Variants in PDHX observed in about 807,000 individuals in gnomAD.
PDHX encodes pyruvate dehydrogenase protein X component, mitochondrial.
PDHX carries 33 observed loss-of-function variants against 55.3 expected under a neutral mutation model. That is an observed-to-expected ratio of 0.60 (90% CI 0.45 to 0.80). The LOEUF is 0.80. Ranked by LOEUF, PDHX falls within the 30% of genes least tolerant of loss-of-function variation. The pLI, the probability that PDHX is intolerant of heterozygous loss-of-function variation, is 0.00. For missense variants in PDHX, 622 were observed against 619.9 expected (o/e 1.00, Z -0.04); for synonymous variants, 226 against 219.4 (o/e 1.03, Z -0.27).
intron 1 of PDHX, among the ~76,000 whole-genome samples, chr11:34,917,790 A>G (rs1012745501): frequency 6.6e-6 from 1 of 152,324 alleles, no homozygotes; most frequent in Admixed American, 6.5e-5. Flanking sequence ...GTAATGTTTC[A>G]TAACATATTC....
chr11:34,931,988 C>G (rs1037652989), intron 2 of PDHX, among the ~76,000 whole-genome samples: 34 of 151,994 alleles, frequency 2.2e-4, no homozygotes, highest in African/African-American at 7.7e-4. Context: ...TTAAGCATTT[C>G]TAATTAAAAC....
At chr11:34,967,913 T>G (rs1855170308) in intron 6 of PDHX, among the ~76,000 whole-genome samples, 1 of 152,210 alleles carries the variant, frequency 6.6e-6, no homozygotes, top group Non-Finnish European at 1.5e-5. Flanking sequence ...TAGTCCACTC[T>G]TTGACTATAT....
At chr11:34,979,425 C>T (rs114667995) in intron 8 of PDHX, among the ~76,000 whole-genome samples, 79 of 152,174 alleles carry the variant, frequency 5.2e-4, no homozygotes, top group African/African-American at 1.9e-3. Flanking sequence ...CATCATGCCT[C>T]CTTTCTGTAA....
At chr11:34,988,885 G>A (rs1313028194) in intron 9 of PDHX, among the ~76,000 whole-genome samples, 4 of 152,094 alleles carry the variant, frequency 2.6e-5, no homozygotes, top group Non-Finnish European at 5.9e-5. Flanking sequence ...AGTTATAATT[G>A]TTCTGTTTTA....
chr11:34,970,306 C>T lies in PDHX; in HGVS notation c.964+20C>T. 1 of 1,593,428 alleles carries T rather than the reference C, an allele frequency of 6.3e-7. No individual in the cohort carries two copies. The highest frequency in any genetic ancestry group is 8.6e-7 in the Non-Finnish European group (1 of 1,161,638). ...TCAAAGGTTAGTAAAATTGAATTTACTTAATACAAAACACATGCTAACTTA... is the reference window on the plus strand; with the variant it reads ...TCAAAGGTTAGTAAAATTGAATTTATTTAATACAAAACACATGCTAACTTA... On this transcript the variant is annotated intron_variant, in intron 7 of 10. Coordinates refer to ENST00000227868, the MANE Select transcript of PDHX (RefSeq NM_003477.3).
intron 1 of PDHX, among the ~76,000 whole-genome samples, chr11:34,927,714 G>T (rs1854057170): frequency 6.6e-6 from 1 of 152,102 alleles, no homozygotes; most frequent in Non-Finnish European, 1.5e-5. Flanking sequence ...GATTTTTCTA[G>T]CATGAAAGCC....
At chr11:34,971,342 A>G (rs957841352) in intron 7 of PDHX, among the ~76,000 whole-genome samples, 9 of 152,138 alleles carry the variant, frequency 5.9e-5, no homozygotes, top group Admixed American at 5.9e-4. Flanking sequence ...TCTGTCTGGT[A>G]TAATGAATAT....
Position 34,960,662 on chromosome 11 carries a change from A to G in PDHX, c.641+144A>G, listed in dbSNP as rs746783028. 3 of 581,172 alleles carry G rather than the reference A, an allele frequency of 5.2e-6. No individual in the cohort carries two copies. The African/African-American group carries it at 5.7e-5, about 11-fold the overall frequency. 36.0% of individuals were successfully genotyped at this position (581,172 alleles called of 1,614,324 possible). ...TTTTGTACTTTTAATTGCTTTTATC[A>G]TTGTAAATTGTATTCTATGCAAGAG... On this transcript the variant is annotated intron_variant, in intron 5 of 10. Transcript: ENST00000227868.
Position 34,978,142 on chromosome 11 carries a change from T to A in PDHX, c.983T>A (p.Val328Glu). 1 of 1,562,572 alleles carries A rather than the reference T, an allele frequency of 6.4e-7. No homozygotes were observed. Among genetic ancestry groups the A allele is most frequent in the Non-Finnish European group, 8.8e-7 (1 of 1,133,612 alleles). Reference sequence around the variant, plus strand: ...CTTTCAGATGACATTAAAGTATCAGTAAATGATTTTATCATCAAGGCAGCA... The same window carrying A: ...CTTTCAGATGACATTAAAGTATCAGAAAATGATTTTATCATCAAGGCAGCA... ...DLVKDDIKVSVNDFIIKAAAV... is the reference protein window; with the variant it reads ...DLVKDDIKVSENDFIIKAAAV... The change falls in exon 8 of 11, where the codon GTA (valine) becomes GAA (glutamate). Residue 328 changes from valine to glutamate, a missense_variant. Physicochemically the swap from Val to Glu is moderately radical, Grantham distance 121. Transcript: ENST00000227868.
intron 2 of PDHX, among the ~76,000 whole-genome samples, chr11:34,943,901 C>CATCCTGACCTCACCTT (rs1854556410): frequency 6.6e-6 from 1 of 152,028 alleles, no homozygotes; most frequent in Admixed American, 6.6e-5. Flanking sequence ...ATTCCCAAAG[C>CATCCTGACCTCACCTT]ATCCTGACCT....
At chr11:34,978,666 C>T (rs1050706065) in intron 8 of PDHX, among the ~76,000 whole-genome samples, 4 of 152,006 alleles carry the variant, frequency 2.6e-5, no homozygotes, top group Non-Finnish European at 2.9e-5. Context: ...AAGTGCATTC[C>T]ACACAGAGGG....
chr11:34,919,020 C>A (rs922543473), intron 1 of PDHX, among the ~76,000 whole-genome samples: 2 of 152,160 alleles, frequency 1.3e-5, no homozygotes, highest in African/African-American at 4.8e-5. Flanking sequence ...ACCTTAATTC[C>A]ATCTTTAACC....
intron 3 of PDHX, among the ~76,000 whole-genome samples, chr11:34,954,010 A>G (rs1003943909): frequency 6.6e-6 from 1 of 152,190 alleles, no homozygotes; most frequent in African/African-American, 2.4e-5. Flanking sequence ...GTACTTCCTT[A>G]TAAACCAAAG....
In PDHX at chr11:34,995,345, G is replaced by A. The variant is rs75863418; in HGVS notation, c.*173G>A. ...TCTTCATCTTCAATTTGGGTTTAAT[G>A]TTATAGAAATAAATGATGATAAACT... On this transcript the variant is annotated 3_prime_UTR_variant, in exon 11 of 11. Coordinates refer to ENST00000227868, the MANE Select transcript of PDHX (RefSeq NM_003477.3). 0.016 allele frequency: 10,494 copies of A among 643,752 alleles called. 738 individuals are homozygous for A. The highest frequency in any genetic ancestry group is 0.16 in the African/African-American group (8,890 of 54,750). The allele number at this position is 643,752 out of a possible 1,614,324, so 39.9% of individuals were successfully genotyped here.
intron 7 of PDHX, 131 bp downstream of exon 7, chr11:34,970,417 C>T: frequency 1.3e-6 from 1 of 761,346 alleles, no homozygotes; most frequent in Non-Finnish European, 2.2e-6. Flanking sequence ...TACTTGCACT[C>T]TACTCTGGGT....
intron 1 of PDHX, among the ~76,000 whole-genome samples, chr11:34,921,620 A>T (rs1853881208): frequency 6.6e-6 from 1 of 152,018 alleles, no homozygotes; most frequent in South Asian, 2.1e-4. Context: ...TATTTTATTT[A>T]TTTTAATTGT....
intron 1 of PDHX, among the ~76,000 whole-genome samples, chr11:34,923,249 T>G (rs1357817692): frequency 1.3e-5 from 2 of 152,196 alleles, no homozygotes; most frequent in Admixed American, 1.3e-4. Flanking sequence ...GCTAGTGATC[T>G]GCTTGATATC....
At chr11:34,931,641 T>C (rs922748435) in intron 2 of PDHX, among the ~76,000 whole-genome samples, 157 bp downstream of exon 2, 1 of 152,148 alleles carries the variant, frequency 6.6e-6, no homozygotes, top group Non-Finnish European at 1.5e-5. Context: ...GAATAAAATT[T>C]TCCCATGATA....
upstream of PDHX, chr11:34,916,445 C>G (rs1456722542): frequency 3.4e-6 from 5 of 1,471,148 alleles, no homozygotes; most frequent in Admixed American, 1.0e-4. Flanking sequence ...GGTAAGGCCC[C>G]GCCGGCTGAG....
Sources: allele counts gnomAD v4.1 joint callset (sites outside exome capture counted in the v4.1 genomes callset), GRCh38; gene constraint gnomAD v4.1.1; transcripts MANE v1.5; gene names NCBI Gene and HGNC (gene_info 2026-07-23, HGNC 2026-07-21).